Variants in TRAPPC9 observed in about 807,000 individuals in gnomAD.
TRAPPC9 encodes trafficking protein particle complex subunit 9.
TRAPPC9 carries 83 observed loss-of-function variants against 124.0 expected under a neutral mutation model. The observed-to-expected ratio is 0.67, with a 90% CI of 0.56 to 0.80. TRAPPC9 has a LOEUF of 0.80. Among genes scored for constraint, TRAPPC9 ranks in the 30% least tolerant of loss-of-function variants. The pLI is 0.00. For synonymous variants in TRAPPC9, 638 were observed against 617.5 expected (o/e 1.03, Z -0.49); for missense variants, 1,302 against 1,508.3 (o/e 0.86, Z 2.27).
intron 9 of TRAPPC9, among the ~76,000 whole-genome samples, chr8:140,317,521 G>A (rs1337256433): frequency 6.6e-6 from 1 of 152,182 alleles, no homozygotes. Context: ...AAAACCCAGA[G>A]GCTAGAAGTG....
At chr8:140,131,134 T>G (rs1275662023) in intron 17 of TRAPPC9, among the ~76,000 whole-genome samples, 1 of 152,236 alleles carries the variant, frequency 6.6e-6, no homozygotes, top group Non-Finnish European at 1.5e-5. Context: ...TCCTCTATTA[T>G]TTCAAATTTA....
Position 139,933,011 on chromosome 8 carries a change from T to A in TRAPPC9, c.2811-22711A>T, listed in dbSNP as rs555333929. The A allele has an allele frequency of 3.3e-3, 513 of 156,540 alleles. 2 individuals carry two copies. The highest frequency in any genetic ancestry group is 0.011 in the African/African-American group (461 of 41,576). The allele number at this position is 156,540 out of a possible 1,614,324, so 9.7% of individuals were successfully genotyped here. On this transcript the variant is annotated intron_variant, in intron 19 of 22. Coordinates refer to ENST00000438773, the MANE Select transcript of TRAPPC9 (RefSeq NM_001160372.4). The stretch of plus-strand genomic sequence containing the variant: ...TCAAGGCATGGCGCAAAAAAGCCAC[T>A]ACTTCCAGAAGCATCTCCTCATTCC...
chr8:139,978,995 C>T (rs769968843), intron 19 of TRAPPC9, among the ~76,000 whole-genome samples: 13 of 152,154 alleles, frequency 8.5e-5, no homozygotes, highest in South Asian at 2.1e-4. Context: ...GTGTGGGACT[C>T]GGTGGCCGGG....
intron 17 of TRAPPC9, chr8:140,095,162 A>G (rs1193398023): frequency 6.6e-6 from 1 of 152,238 alleles, no homozygotes; most frequent in Non-Finnish European, 1.5e-5. Flanking sequence ...AGACCTGAAC[A>G]TCAGATGTCT....
At chr8:139,731,841 T>C (rs1186078815) in intron 22 of TRAPPC9, 138 bp downstream of exon 22, 9 of 797,490 alleles carry the variant, frequency 1.1e-5, no homozygotes, top group Middle Eastern at 3.4e-4. Context: ...TCAGACTCAG[T>C]GTGCACACGT....
intron 15 of TRAPPC9, among the ~76,000 whole-genome samples, chr8:140,273,214 G>A (rs546985127): frequency 1.1e-3 from 169 of 152,294 alleles, no homozygotes; most frequent in Non-Finnish European, 1.8e-3. Context: ...GGCCACACTC[G>A]TCCAACCTCT....
At chr8:140,279,274 C>T (rs567931767) in intron 14 of TRAPPC9, among the ~76,000 whole-genome samples, 20 of 152,254 alleles carry the variant, frequency 1.3e-4, no homozygotes, top group African/African-American at 4.3e-4. Context: ...CGGCCTAGGT[C>T]GAGGGCATTT....
At chr8:140,228,068 CTTGCAGGGGCTT>C (rs1563863255) in intron 16 of TRAPPC9, among the ~76,000 whole-genome samples, 1 of 152,220 alleles carries the variant, frequency 6.6e-6, no homozygotes, top group African/African-American at 2.4e-5. Flanking sequence ...CACAAGGACC[CTTGCAGGGGCTT>C]AGCATCTATC....
At chr8:139,780,080 T>G (rs775132495) in intron 21 of TRAPPC9, among the ~76,000 whole-genome samples, 3 of 152,216 alleles carry the variant, frequency 2.0e-5, no homozygotes, top group Non-Finnish European at 4.4e-5. Flanking sequence ...ATTGTCAAGA[T>G]GTCAGTTCTT....
chr8:140,197,380 G>C (rs1349049030), intron 17 of TRAPPC9, among the ~76,000 whole-genome samples: 3 of 152,234 alleles, frequency 2.0e-5, no homozygotes, highest in Non-Finnish European at 4.4e-5. Flanking sequence ...AAAGAGGGCA[G>C]GGCAGGCGCC....
At position 139,920,670 on chromosome 8, in the gene TRAPPC9, A is replaced by G. The variant is rs540590105; in HGVS notation, c.2811-10370T>C. ...TCTCTGCCTTAGATGACAGAGAACC[A>G]GAGTGTTTCCTTGCTTTTCCAAAGC... On this transcript the variant is annotated intron_variant, in intron 19 of 22. Transcript: ENST00000438773. Among the ~76,000 whole-genome samples, 5 of 152,368 alleles carry G rather than the reference A, an allele frequency of 3.3e-5. No individual in the cohort carries two copies. In the East Asian group the frequency reaches 9.6e-4, roughly 29 times the overall value.
At position 140,150,804 on chromosome 8, in the gene TRAPPC9, G is replaced by A. The variant is rs139364381; in HGVS notation, c.2556+70655C>T. On this transcript the variant is annotated intron_variant, in intron 17 of 22. Coordinates refer to ENST00000438773, the MANE Select transcript of TRAPPC9 (RefSeq NM_001160372.4). ...CAAGAGGAGGAAGACCCTCAACGCA[G>A]CCTCCAGGCTCGGCCACCCCTCTGT... Among the ~76,000 whole-genome samples the A allele has an allele frequency of 4.4e-5, 6 of 136,958 alleles. No individual in the cohort carries two copies. The East Asian group carries it at 1.2e-3, about 28-fold the overall frequency. The allele number at this position is 136,958 out of a possible 152,430, so 89.8% of individuals were successfully genotyped here. A position where few individuals can be genotyped will look rare whatever the true frequency, so the allele number is the denominator to read the frequency against.
chr8:139,838,575 C>A (rs1045642734), intron 21 of TRAPPC9, among the ~76,000 whole-genome samples: 6 of 152,176 alleles, frequency 3.9e-5, no homozygotes, highest in Non-Finnish European at 7.4e-5. Context: ...GCCTCTGAAC[C>A]ACCCTGGCGG....
intron 17 of TRAPPC9, among the ~76,000 whole-genome samples, chr8:140,106,841 C>T (rs975950745): frequency 3.9e-5 from 6 of 152,310 alleles, no homozygotes; most frequent in Admixed American, 2.0e-4. Flanking sequence ...AAACACAGAT[C>T]CCTTTCCTGT....
chr8:140,247,723 A>G (rs556469433), intron 16 of TRAPPC9, among the ~76,000 whole-genome samples: 1 of 152,262 alleles, frequency 6.6e-6, no homozygotes, highest in Non-Finnish European at 1.5e-5. Flanking sequence ...CTAGCTTCTA[A>G]GTGTGTCACT....
At chr8:140,455,071 A>C (rs1346082540) in intron 1 of TRAPPC9, among the ~76,000 whole-genome samples, 1 of 152,202 alleles carries the variant, frequency 6.6e-6, no homozygotes, top group Non-Finnish European at 1.5e-5. Flanking sequence ...TAAAACCAGC[A>C]ATCCAAGAGA....
At chr8:140,083,132 G>A (rs535223541) in intron 17 of TRAPPC9, among the ~76,000 whole-genome samples, 21 of 152,288 alleles carry the variant, frequency 1.4e-4, no homozygotes, top group Non-Finnish European at 4.4e-5. Flanking sequence ...GGCGGAGGTT[G>A]CAGTGAGCTG....
intron 9 of TRAPPC9, among the ~76,000 whole-genome samples, chr8:140,340,208 G>T (rs553888606): frequency 2.0e-5 from 3 of 152,184 alleles, no homozygotes; most frequent in African/African-American, 7.2e-5. Flanking sequence ...GTCAGACACA[G>T]TCAAAAATAA....
chr8:139,873,661 G>A (rs1319789183), intron 21 of TRAPPC9, among the ~76,000 whole-genome samples: 4 of 152,228 alleles, frequency 2.6e-5, no homozygotes, highest in Non-Finnish European at 5.9e-5. Context: ...TGCAGGAGCA[G>A]ACAAGGGTGA....
Sources: gnomAD v4.1 joint callset for allele counts (sites outside exome capture counted in the v4.1 genomes callset) on GRCh38, gnomAD v4.1.1 for gene constraint, MANE v1.5 for transcripts, NCBI Gene and HGNC (gene_info 2026-07-23, HGNC 2026-07-21) for gene names.